Variants in NACC1 observed in about 807,000 individuals in gnomAD.
NACC1 encodes the protein nucleus accumbens-associated protein 1.
In NACC1, 6 loss-of-function variants were observed where a neutral mutation model predicts 41.7. That is an observed-to-expected ratio of 0.14 (90% confidence interval 0.08 to 0.28). NACC1 has a LOEUF of 0.28. Among genes scored for constraint, NACC1 ranks in the 10% least tolerant of loss-of-function variants. The pLI is 1.00. For synonymous variants in NACC1, 338 were observed against 330.6 expected (o/e 1.02, Z -0.24); for missense variants, 434 against 763.7 (o/e 0.57, Z 5.09).
intron 1 of NACC1, among the ~76,000 whole-genome samples, chr19:13,127,064 C>T (rs757908640): frequency 4.0e-5 from 6 of 151,482 alleles, no homozygotes; most frequent in Non-Finnish European, 8.8e-5. Flanking sequence ...AGGGAGACCT[C>T]GTCTCTATTA....
intron 1 of NACC1, among the ~76,000 whole-genome samples, chr19:13,130,901 G>A (rs1377732872): frequency 6.6e-6 from 1 of 152,120 alleles, no homozygotes; most frequent in Non-Finnish European, 1.5e-5. Context: ...TCCACACTCT[G>A]TAGGCCAGGA....
chr19:13,117,534 T>C (rs935394097), upstream of NACC1: 2 of 152,104 alleles, frequency 1.3e-5, no homozygotes, highest in African/African-American at 4.8e-5. Context: ...TTTCTTCATT[T>C]CTCTGTGCCT....
rs1372749177 is a variant in NACC1 at position 13,136,614 on chromosome 19, G to T, written c.1120+209G>T. Among the ~76,000 whole-genome samples the T allele has an allele frequency of 1.3e-5, 2 of 152,202 alleles. No homozygotes were observed. Among genetic ancestry groups the T allele is most frequent in the African/African-American group, 4.8e-5 (2 of 41,446 alleles). On this transcript the variant is annotated intron_variant, in intron 3 of 5. Coordinates refer to ENST00000292431, the MANE Select transcript of NACC1 (RefSeq NM_052876.4). This position sits in a 1 kb window ranked among gnomAD's most constrained non-coding sequence, Gnocchi z 5.5. ...TGGCCTCTAGGTTTCTGGCTTAAGG[G>T]GTCGGGGCGAGCATTGGCTATTATT... is the stretch of plus-strand genomic sequence containing the variant.
chr19:13,138,314 A>G lies in NACC1; in HGVS notation c.1492A>G (p.Lys498Glu). The change falls in exon 6 of 6, where the codon AAG becomes GAG. Residue 498 changes from lysine (K) to glutamate (E), a missense_variant. Around this residue, in one of 4 missense-constraint regions of NACC1, gnomAD observed 63 missense variants for 68.4 expected, o/e 0.92. Transcript: ENST00000292431. This position sits in a 1 kb window ranked among gnomAD's most constrained non-coding sequence, Gnocchi z 5.7. The part of the protein sequence containing the change: ...AYTTFISETG[K>E]IEPDMMGVEH... ...CACCACCTTCATCAGTGAAACGGGC[A>G]AGATCGAGCCGGACATGATGGGTGT... 1 of 1,614,186 alleles carries G rather than the reference A, an allele frequency of 6.2e-7. No individual in the cohort carries two copies. The highest frequency in any genetic ancestry group is 8.5e-7 in the Non-Finnish European group (1 of 1,180,044).
Position 13,136,229 on chromosome 19 carries a change from C to T in NACC1, c.947-3C>T, listed in dbSNP as rs2019705200. The T allele has an allele frequency of 6.2e-7, 1 of 1,611,048 alleles. No homozygotes were observed. Among genetic ancestry groups the T allele is most frequent in the Admixed American group, 1.7e-5 (1 of 59,886 alleles). ...CCACTCGCGTGCCACTCTCTCCCTGCAGCCGAGAAGGTGGAGGCCCTCCCG... is the reference window on the plus strand; with the variant it reads ...CCACTCGCGTGCCACTCTCTCCCTGTAGCCGAGAAGGTGGAGGCCCTCCCG... On this transcript the variant is annotated splice_region_variant and splice_polypyrimidine_tract_variant and intron_variant, in intron 2 of 5. Transcript: ENST00000292431. The surrounding 1 kb of genome is among the most constrained non-coding windows in gnomAD (Gnocchi z 5.5).
rs1429507878 is a variant in NACC1, at chr19:13,135,484, A to G, written c.277A>G (p.Asn93Asp). The change falls in exon 2 of 6, where the codon AAC (asparagine) becomes GAC (aspartate). Residue 93 changes from asparagine (N) to aspartate (D), a missense_variant. Physicochemically the swap from Asn to Asp is conservative, Grantham distance 23. This residue lies in a region of NACC1 where 67 missense variants were observed against 180.1 expected (regional missense o/e 0.37). Transcript: ENST00000292431. Reference sequence around the variant, plus strand: ...CTGCTACACGGGCCGGCTGAGCATGAACGTGGGCGACCAGTTCCTGCTCAT... The same window carrying G: ...CTGCTACACGGGCCGGCTGAGCATGGACGTGGGCGACCAGTTCCTGCTCAT... ...SFCYTGRLSM[N>D]VGDQFLLMYT... 1 of 1,613,622 alleles carries G rather than the reference A, an allele frequency of 6.2e-7. No individual in the cohort carries two copies.
chr19:13,118,996 G>C (rs1484797963), intron 1 of NACC1, among the ~76,000 whole-genome samples: 3 of 151,442 alleles, frequency 2.0e-5, no homozygotes, highest in Admixed American at 6.6e-5. Flanking sequence ...GGTGTGGGCG[G>C]AGTTACTTCG....
chr19:13,138,220 C>T lies in NACC1; in HGVS notation c.1398C>T (p.Asn466=), dbSNP rs762613654. Residue 466 remains asparagine (N), a synonymous_variant, in exon 6 of 6, where the codon AAC becomes AAT. Coordinates refer to ENST00000292431, the MANE Select transcript of NACC1 (RefSeq NM_052876.4). The surrounding 1 kb of genome is among the most constrained non-coding windows in gnomAD (Gnocchi z 5.7). ...MNAIAADMCT[N]ARRVVRKSWM... ...CCATCGCGGCCGACATGTGCACCAACGCCCGCCGCGTCGTGCGCAAGAGCT... is the reference window on the plus strand; with the variant it reads ...CCATCGCGGCCGACATGTGCACCAATGCCCGCCGCGTCGTGCGCAAGAGCT... The T allele has an allele frequency of 1.2e-5, 20 of 1,614,108 alleles. No homozygotes were observed. Among genetic ancestry groups the T allele is most frequent in the Admixed American group, 1.0e-4 (6 of 60,010 alleles).
At position 13,138,797 on chromosome 19, in the gene NACC1, A is replaced by G; in HGVS notation, c.*391A>G. ...GCCTTCAGCCTCCGCCCCTCACTGC[A>G]GCCCCTTGGGACTTGAGGGGGGCCC... is the stretch of plus-strand genomic sequence containing the variant. On this transcript the variant is annotated 3_prime_UTR_variant, in exon 6 of 6. Coordinates refer to ENST00000292431, the MANE Select transcript of NACC1 (RefSeq NM_052876.4). This position sits in a 1 kb window ranked among gnomAD's most constrained non-coding sequence, Gnocchi z 5.7. 4.4e-6 allele frequency: 1 copy of G among 229,254 alleles called. No individual in the cohort carries two copies. Among genetic ancestry groups the G allele is most frequent in the East Asian group, 1.1e-4 (1 of 9,460 alleles). The allele number at this position is 229,254 out of a possible 1,614,324, so 14.2% of individuals were successfully genotyped here. A position where few individuals can be genotyped will look rare whatever the true frequency, so the allele number is the denominator to read the frequency against.
rs990072853 is a variant in NACC1, at chr19:13,138,655, G to A, written c.*249G>A. 10 of 565,736 alleles carry A rather than the reference G, an allele frequency of 1.8e-5. No individual in the cohort carries two copies. The highest frequency in any genetic ancestry group is 2.8e-5 in the Non-Finnish European group (9 of 318,220). The allele number at this position is 565,736 out of a possible 1,614,324, so 35.0% of individuals were successfully genotyped here. A position where few individuals can be genotyped will look rare whatever the true frequency, so the allele number is the denominator to read the frequency against. ...CACACTCGTGCAGTGGGGGAGTTCT[G>A]GCTCCCCAACCTAACCCCTAGCCGT... On this transcript the variant is annotated 3_prime_UTR_variant, in exon 6 of 6. Coordinates refer to ENST00000292431, the MANE Select transcript of NACC1 (RefSeq NM_052876.4). This position sits in a 1 kb window ranked among gnomAD's most constrained non-coding sequence, Gnocchi z 5.7.
intron 1 of NACC1, among the ~76,000 whole-genome samples, chr19:13,126,067 C>T (rs1019521670): frequency 1.4e-5 from 2 of 145,966 alleles, no homozygotes; most frequent in Non-Finnish European, 3.0e-5. Flanking sequence ...TTTTTTTAGA[C>T]GGAGTCTTGC....
At chr19:13,132,311 G>A (rs1362055738) in intron 1 of NACC1, 2 of 151,866 alleles carry the variant, frequency 1.3e-5, no homozygotes, top group East Asian at 2.0e-4. Flanking sequence ...AGCTACTCAG[G>A]AGGCTGAGAA....
At position 13,136,264 on chromosome 19, in the gene NACC1, G is replaced by C. The variant is rs759246551; in HGVS notation, c.979G>C (p.Ala327Pro). ...GGTGGAGGCCCTCCCGGAGCAGGTA[G>C]CCCCCGAGTCCCGAAATCGCATCCG... ...EKVEALPEQVAPESRNRIRVR... is the reference protein window; with the variant it reads ...EKVEALPEQVPPESRNRIRVR... The change falls in exon 3 of 6, where the codon GCC becomes CCC. Residue 327 changes from alanine to proline, a missense_variant. Physicochemically the swap from Ala to Pro is conservative, Grantham distance 27 (BLOSUM62 -1). Around this residue, in one of 4 missense-constraint regions of NACC1, gnomAD observed 234 missense variants for 308.3 expected, o/e 0.76. Transcript: ENST00000292431. This position sits in a 1 kb window ranked among gnomAD's most constrained non-coding sequence, Gnocchi z 5.5. 5.0e-6 allele frequency: 8 copies of C among 1,613,892 alleles called. No individual in the cohort carries two copies. The Admixed American group carries it at 1.2e-4, about 24-fold the overall frequency.
At position 13,138,520 on chromosome 19, in the gene NACC1, A is replaced by C. The variant is rs1473118430; in HGVS notation, c.*114A>C. 7.0e-7 allele frequency: 1 copy of C among 1,432,922 alleles called. No homozygotes were observed. The highest frequency in any genetic ancestry group is 9.4e-7 in the Non-Finnish European group (1 of 1,066,412). 88.8% of individuals were successfully genotyped at this position (1,432,922 alleles called of 1,614,324 possible). A position where few individuals can be genotyped will look rare whatever the true frequency, so the allele number is the denominator to read the frequency against. Reference sequence around the variant, plus strand: ...CCCCAGGACCCGCGGTGGGTGCTGCATGTTCCCGGCCCTCTGCCCCTCCTG... The same window carrying C: ...CCCCAGGACCCGCGGTGGGTGCTGCCTGTTCCCGGCCCTCTGCCCCTCCTG... On this transcript the variant is annotated 3_prime_UTR_variant, in exon 6 of 6. Coordinates refer to ENST00000292431, the MANE Select transcript of NACC1 (RefSeq NM_052876.4). This position sits in a 1 kb window ranked among gnomAD's most constrained non-coding sequence, Gnocchi z 5.7.
At chr19:13,123,489 G>A (rs977788159) in intron 1 of NACC1, among the ~76,000 whole-genome samples, 2 of 152,170 alleles carry the variant, frequency 1.3e-5, no homozygotes, top group East Asian at 1.9e-4. Flanking sequence ...GCTCATTCCC[G>A]GAGATGGTGG....
rs555160973 is a variant in NACC1, at chr19:13,136,875, A to C, written c.1121-396A>C. Among the ~76,000 whole-genome samples, 35 of 152,108 alleles carry C rather than the reference A, an allele frequency of 2.3e-4. No homozygotes were observed. Among genetic ancestry groups the C allele is most frequent in the South Asian group, 6.2e-4 (3 of 4,822 alleles). On this transcript the variant is annotated intron_variant, in intron 3 of 5. Coordinates refer to ENST00000292431, the MANE Select transcript of NACC1 (RefSeq NM_052876.4). This position sits in a 1 kb window ranked among gnomAD's most constrained non-coding sequence, Gnocchi z 5.5. ...TTCATCTCTTAAAAAAAGAAGAAGA[A>C]GACTGTGTTTGGTCCTTGGGTCAGA... is the stretch of plus-strand genomic sequence containing the variant.
intron 1 of NACC1, among the ~76,000 whole-genome samples, chr19:13,133,858 C>T (rs532537964): frequency 1.1e-4 from 17 of 152,092 alleles, no homozygotes; most frequent in Non-Finnish European, 2.4e-4. Flanking sequence ...AGACTGTTCT[C>T]CATGGTGGCT....
At chr19:13,132,380 G>A (rs1361481137) in intron 1 of NACC1, 1 of 145,064 alleles carries the variant, frequency 6.9e-6, no homozygotes, top group Non-Finnish European at 1.5e-5. Context: ...CTGCACTCCA[G>A]CCTGGGTAAC....
At chr19:13,133,559 A>G (rs2019661088) in intron 1 of NACC1, among the ~76,000 whole-genome samples, 1 of 152,118 alleles carries the variant, frequency 6.6e-6, no homozygotes, top group Non-Finnish European at 1.5e-5. Context: ...TTCTGTTGGA[A>G]TAATCTTTTC....
Sources: gnomAD v4.1 joint callset for allele counts (sites outside exome capture counted in the v4.1 genomes callset) on GRCh38, gnomAD v4.1.1 for gene constraint, gnomAD v4.1.1 regional missense constraint, Gnocchi (gnomAD v3.1) non-coding constraint, MANE v1.5 for transcripts, NCBI Gene and HGNC (gene_info 2026-07-23, HGNC 2026-07-21) for gene names.